TSHZ3: variants seen among roughly 807,000 people sequenced by gnomAD.
TSHZ3 encodes the protein teashirt homolog 3.
TSHZ3 carries 10 observed loss-of-function variants against 64.5 expected under a neutral mutation model. That is an observed-to-expected ratio of 0.16 (90% CI 0.10 to 0.26). The LOEUF (loss-of-function observed/expected upper bound fraction) is 0.26, where lower values mean the gene tolerates loss of function less well. TSHZ3 is among the 10% of genes least tolerant of loss of function. TSHZ3 has a pLI of 1.00. For synonymous variants in TSHZ3, 608 were observed against 593.1 expected, an observed-to-expected ratio of 1.03 and a Z score of -0.36; for missense variants, 1,242 against 1,421.7, an observed-to-expected ratio of 0.87 and a Z score of 2.03.
intron 1 of TSHZ3, among the ~76,000 whole-genome samples, chr19:31,262,541 A>T (rs952361562): frequency 1.6e-4 from 24 of 152,150 alleles, no homozygotes; most frequent in Non-Finnish European, 2.1e-4. Context: ...GCTTTTTTTT[A>T]AAAAATTTGC....
chr19:31,253,359 T>A (rs974524337), intron 1 of TSHZ3, among the ~76,000 whole-genome samples: 5 of 152,002 alleles, frequency 3.3e-5, no homozygotes, highest in Admixed American at 1.3e-4. Flanking sequence ...AAGAACAGGA[T>A]TTTTTTTAAG....
chr19:31,327,597 A>G (rs1237045291), intron 1 of TSHZ3, among the ~76,000 whole-genome samples: 1 of 152,262 alleles, frequency 6.6e-6, no homozygotes, highest in Non-Finnish European at 1.5e-5. Context: ...GGTGATACAC[A>G]TATGTACCAT....
chr19:31,212,167 A>G (rs1253752808), intron 4 of TSHZ3, among the ~76,000 whole-genome samples: 1 of 152,156 alleles, frequency 6.6e-6, no homozygotes, highest in Admixed American at 6.5e-5. Context: ...CAAAAAAAGC[A>G]AAGGGTGGCC....
rs1340542195 is a variant in TSHZ3, at chr19:31,202,403, TTC to T, written n.809+2551_809+2552del. On this transcript the variant is annotated intron_variant and non_coding_transcript_variant, in intron 5 of 6. Transcript: ENST00000651361. ...TATGTGTATATCAATATATGTATAT[TTC>T]TTTTTTTAAATGTGATATTCCAAGC... 1.1e-4 allele frequency among the ~76,000 whole-genome samples: 16 copies of T among 152,254 alleles called. No homozygotes were observed. In the East Asian group the frequency reaches 2.3e-3, roughly 22 times the overall value.
chr19:31,298,049 G>A (rs148094691), intron 1 of TSHZ3, among the ~76,000 whole-genome samples: 142 of 152,212 alleles, frequency 9.3e-4, no homozygotes, highest in Admixed American at 1.5e-3. Flanking sequence ...GAGCTCCTGC[G>A]GCCTCCTAGG....
rs17547459 is a variant in TSHZ3 at position 31,184,450 on chromosome 19, C to T, written n.809+20506G>A. Among the ~76,000 whole-genome samples the T allele has an allele frequency of 8.9e-3, 1,348 of 152,192 alleles. 14 individuals are homozygous for T. The highest frequency in any genetic ancestry group is 0.014 in the Non-Finnish European group (946 of 68,024). On this transcript the variant is annotated intron_variant and non_coding_transcript_variant, in intron 5 of 6. Coordinates refer to the TSHZ3 transcript ENST00000651361. Reference sequence around the variant, plus strand: ...TTTCTTTGCACTGTTTTACTGAGGCCGTAACAAAGCTTAGAGTTTGTTTCA... The same window carrying T: ...TTTCTTTGCACTGTTTTACTGAGGCTGTAACAAAGCTTAGAGTTTGTTTCA...
At chr19:31,326,536 G>A (rs149439454) in intron 1 of TSHZ3, among the ~76,000 whole-genome samples, 386 of 152,344 alleles carry the variant, frequency 2.5e-3, no homozygotes, top group Non-Finnish European at 4.2e-3. Flanking sequence ...GCATGAGCAC[G>A]CGTACACACC....
intron 1 of TSHZ3, among the ~76,000 whole-genome samples, chr19:31,289,106 A>G (rs1048514382): frequency 6.6e-6 from 1 of 152,110 alleles, no homozygotes; most frequent in African/African-American, 2.4e-5. Context: ...AGTTAAAGAA[A>G]CTCTGCAAAT....
At chr19:31,245,917 T>C (rs1975752949) in intron 1 of TSHZ3, among the ~76,000 whole-genome samples, 1 of 152,208 alleles carries the variant, frequency 6.6e-6, no homozygotes, top group African/African-American at 2.4e-5. Context: ...CCAACAATCC[T>C]ACTTCTCTGC....
At chr19:31,291,784 C>T (rs773976299) in intron 1 of TSHZ3, among the ~76,000 whole-genome samples, 13 of 152,224 alleles carry the variant, frequency 8.5e-5, no homozygotes, top group East Asian at 1.9e-4. Flanking sequence ...CATACACTCA[C>T]TCTGTGTGCC....
At position 31,277,930 on chromosome 19, in the gene TSHZ3, A is replaced by G; in HGVS notation, c.1863T>C (p.Val621=). The G allele has an allele frequency of 6.2e-7, 1 of 1,614,184 alleles. No homozygotes were observed. The part of the protein sequence containing the change: ...EELVKKVTEK[V]AKVEEKMKEP... ...CCTTCATCTTCTCCTCCACTTTGGCAACTTTCTCAGTGACCTTTTTCACCA... is the reference window on the plus strand; with the variant it reads ...CCTTCATCTTCTCCTCCACTTTGGCGACTTTCTCAGTGACCTTTTTCACCA... The change falls in exon 2 of 2, where the codon GTT becomes GTC. Residue 621 remains valine (V), a synonymous_variant. Transcript: ENST00000240587. The surrounding 1 kb of genome is among the most constrained non-coding windows in gnomAD (Gnocchi z 4.5).
At chr19:31,341,312 T>C (rs1480943919) in intron 1 of TSHZ3, among the ~76,000 whole-genome samples, 6 of 152,116 alleles carry the variant, frequency 3.9e-5, no homozygotes, top group Non-Finnish European at 8.8e-5. Context: ...ATCCCACAAG[T>C]ATTGCGCACT....
Position 31,194,050 on chromosome 19 carries a change from T to C in TSHZ3, n.809+10906A>G, listed in dbSNP as rs550548489. The stretch of plus-strand genomic sequence containing the variant: ...CACCGACCCCAAAATTAGAGACAGA[T>C]AAGCAAATACAGAGAATCACAACTT... On this transcript the variant is annotated intron_variant and non_coding_transcript_variant, in intron 5 of 6. Transcript: ENST00000651361. 2.0e-5 allele frequency among the ~76,000 whole-genome samples: 3 copies of C among 146,824 alleles called. No individual in the cohort carries two copies. In the East Asian group the frequency reaches 6.0e-4, roughly 30 times the overall value.
intron 4 of TSHZ3, among the ~76,000 whole-genome samples, chr19:31,212,807 T>C (rs1199619349): frequency 1.3e-5 from 2 of 152,196 alleles, no homozygotes; most frequent in African/African-American, 2.4e-5. Flanking sequence ...TGGGTGTTTA[T>C]GGCAGGTTTA....
intron 5 of TSHZ3, among the ~76,000 whole-genome samples, chr19:31,198,362 C>G (rs974904353): frequency 2.8e-4 from 42 of 152,242 alleles, no homozygotes; most frequent in African/African-American, 1.0e-3. Flanking sequence ...AAAGCTTTCC[C>G]ACTAAGATTA....
intron 5 of TSHZ3, among the ~76,000 whole-genome samples, chr19:31,176,431 G>A (rs995920280): frequency 6.6e-6 from 1 of 152,174 alleles, no homozygotes; most frequent in Non-Finnish European, 1.5e-5. Context: ...TTACAGAAGT[G>A]AATATCCAAA....
chr19:31,247,942 A>G (rs917723509), intron 1 of TSHZ3, among the ~76,000 whole-genome samples: 1 of 152,182 alleles, frequency 6.6e-6, no homozygotes, highest in Non-Finnish European at 1.5e-5. Flanking sequence ...TAATTTATAA[A>G]GGAAAAGTTG....
At chr19:31,283,102 G>C (rs192061845) in intron 1 of TSHZ3, among the ~76,000 whole-genome samples, 3 of 152,198 alleles carry the variant, frequency 2.0e-5, no homozygotes, top group Non-Finnish European at 4.4e-5. Context: ...GGAGGCCAAG[G>C]CAGGCAGACT....
At chr19:31,341,154 G>A (rs1323708153) in intron 1 of TSHZ3, among the ~76,000 whole-genome samples, 1 of 151,730 alleles carries the variant, frequency 6.6e-6, no homozygotes, top group Admixed American at 6.6e-5. Context: ...CTCATTACGG[G>A]TGTCCAGCAG....
Sources: allele counts gnomAD v4.1 joint callset (sites outside exome capture counted in the v4.1 genomes callset), GRCh38; gene constraint gnomAD v4.1.1; non-coding constraint Gnocchi (gnomAD v3.1); transcripts MANE v1.5; gene names NCBI Gene and HGNC (gene_info 2026-07-23, HGNC 2026-07-21).